Variants in TNN observed in about 807,000 individuals in gnomAD.
TNN encodes the protein tenascin-N.
A neutral mutation model predicts 134.4 loss-of-function variants in TNN; 122 were observed. The ratio of observed to expected loss-of-function variants is 0.91; its 90% CI spans 0.78 to 1.06. TNN has a LOEUF of 1.06. Ranked by LOEUF, TNN falls within the 50% of genes least tolerant of loss-of-function variation. The pLI is 0.00. For missense variants in TNN, 1,739 were observed against 1,699.4 expected, an observed-to-expected ratio of 1.02 and a Z score of -0.41; for synonymous variants, 710 against 670.3, an observed-to-expected ratio of 1.06 and a Z score of -0.91.
rs549625632 is a variant in TNN, at chr1:175,102,159, AT to A, written c.2119+3566del. The stretch of plus-strand genomic sequence containing the variant: ...ACCTTGAGCTAGACACAGGGTGCTG[AT>A]TGGTGTGTTTACAATCCCTGAGCTA... On this transcript the variant is annotated intron_variant, in intron 9 of 18. Transcript: ENST00000239462. Among the ~76,000 whole-genome samples, 116 of 145,442 alleles carry A rather than the reference AT, an allele frequency of 8.0e-4. 5 individuals carry two copies. Among genetic ancestry groups the A allele is most frequent in the African/African-American group, 2.8e-3 (115 of 40,480 alleles).
At chr1:175,108,222 C>G (rs929829587) in intron 9 of TNN, among the ~76,000 whole-genome samples, 3 of 151,582 alleles carry the variant, frequency 2.0e-5, no homozygotes, top group African/African-American at 7.3e-5. Context: ...AATCCCTGAG[C>G]TAGACATAAA....
intron 9 of TNN, among the ~76,000 whole-genome samples, chr1:175,112,232 A>G (rs1215698519): frequency 6.6e-6 from 1 of 151,668 alleles, no homozygotes; most frequent in Non-Finnish European, 1.5e-5. Context: ...TGCTTTTTGC[A>G]TCTATTGAGA....
At chr1:175,115,997 C>A (rs1675156287) in intron 9 of TNN, among the ~76,000 whole-genome samples, 2 of 152,130 alleles carry the variant, frequency 1.3e-5, no homozygotes, top group African/African-American at 2.4e-5. Context: ...TCTGTGCTCA[C>A]CAGAGTTTCT....
At chr1:175,083,975 T>TGCAG in intron 5 of TNN, 40 bp downstream of exon 5, 1 of 1,599,714 alleles carries the variant, frequency 6.3e-7, no homozygotes, top group Non-Finnish European at 8.5e-7. Flanking sequence ...ATGCTGTGGA[T>TGCAG]GCAGAGGTGG....
Position 175,080,401 on chromosome 1 carries a change from C to A in TNN, c.1023C>A (p.Ser341Arg), listed in dbSNP as rs958674146. The change falls in exon 4 of 19, where the codon AGC (serine) becomes AGA (arginine). Residue 341 changes from serine to arginine, a missense_variant. By Grantham distance (110) the Ser-to-Arg change is moderately radical. Transcript: ENST00000239462. ...ACGTCAAGAATGAAGTTTCTAGCAGCCCACAGCATCTACTTGCCACCACAG... is the reference window on the plus strand; with the variant it reads ...ACGTCAAGAATGAAGTTTCTAGCAGACCACAGCATCTACTTGCCACCACAG... ...LRNVKNEVSS[S>R]PQHLLATTDL... 2.5e-6 allele frequency: 4 copies of A among 1,613,992 alleles called. No individual in the cohort carries two copies. Among genetic ancestry groups the A allele is most frequent in the African/African-American group, 2.7e-5 (2 of 74,916 alleles).
intron 10 of TNN, 94 bp from the exon 11 acceptor site, chr1:175,118,467 A>T: frequency 6.9e-7 from 1 of 1,456,086 alleles, no homozygotes; most frequent in Non-Finnish European, 9.4e-7. Context: ...ACCCCACACA[A>T]CATGAAAGGG....
intron 10 of TNN, 136 bp downstream of exon 10, chr1:175,117,341 T>C (rs1675212074): frequency 1.4e-5 from 20 of 1,414,244 alleles, no homozygotes; most frequent in Non-Finnish European, 1.9e-5. Context: ...TCATAACAGA[T>C]TGCACACACC....
chr1:175,095,093 T>C (rs1674539620), intron 7 of TNN, among the ~76,000 whole-genome samples: 1 of 152,226 alleles, frequency 6.6e-6, no homozygotes, highest in Non-Finnish European at 1.5e-5. Flanking sequence ...CTGTTTCTTA[T>C]GGCACAAGTG....
intron 1 of TNN, among the ~76,000 whole-genome samples, chr1:175,070,062 G>T (rs1396598144): frequency 2.0e-5 from 3 of 152,160 alleles, no homozygotes; most frequent in African/African-American, 7.2e-5. Context: ...GGAGAGGAAG[G>T]TTCCTGAATT....
intron 7 of TNN, 22 bp from the exon 8 acceptor site, chr1:175,097,395 T>G: frequency 1.2e-6 from 2 of 1,613,704 alleles, no homozygotes; most frequent in Non-Finnish European, 1.7e-6. Context: ...GGCTACATTC[T>G]TCTTTCATCT....
At position 175,117,775 on chromosome 1, in the gene TNN, C is replaced by T. The variant is rs566964109; in HGVS notation, c.2386+570C>T. Among the ~76,000 whole-genome samples, 395 of 152,144 alleles carry T rather than the reference C, an allele frequency of 2.6e-3. 2 individuals carry two copies. The highest frequency in any genetic ancestry group is 4.5e-3 in the Non-Finnish European group (305 of 68,004). ...GGAAATAGTAATAGGATACACATGG[C>T]CAAAACAACCAAATAACAGTTGCTT... On this transcript the variant is annotated intron_variant, in intron 10 of 18. Coordinates refer to ENST00000239462, the MANE Select transcript of TNN (RefSeq NM_022093.2).
intron 9 of TNN, among the ~76,000 whole-genome samples, chr1:175,116,231 T>C (rs1675163049): frequency 6.6e-6 from 1 of 152,178 alleles, no homozygotes. Flanking sequence ...TTTTTTCTTG[T>C]GGAGAAAATT....
At position 175,079,445 on chromosome 1, in the gene TNN, G is replaced by T. The variant is rs374925420; in HGVS notation, c.522G>T (p.Ala174=). The T allele has an allele frequency of 6.3e-7, 1 of 1,577,548 alleles. No individual in the cohort carries two copies. Among genetic ancestry groups the T allele is most frequent in the South Asian group, 1.1e-5 (1 of 87,924 alleles). ...GCGAGCGGCTGGCCTGCCCCGGGGC[G>T]TGCAGCGGCCACGGGCGTTGCGTGG... ...PACERLACPG[A]CSGHGRCVDG... The change falls in exon 3 of 19, where the codon GCG becomes GCT. Residue 174 remains alanine (A), a synonymous_variant. Coordinates refer to ENST00000239462, the MANE Select transcript of TNN (RefSeq NM_022093.2).
chr1:175,101,761 A>G (rs1473261925), intron 9 of TNN, among the ~76,000 whole-genome samples: 13 of 143,348 alleles, frequency 9.1e-5, no homozygotes, highest in East Asian at 6.8e-4. Flanking sequence ...CAGGGTGCTG[A>G]TTGGGGTATT....
At chr1:175,093,554 G>A (rs530170315) in intron 6 of TNN, among the ~76,000 whole-genome samples, 57 of 151,222 alleles carry the variant, frequency 3.8e-4, no homozygotes, top group African/African-American at 1.3e-3. Context: ...AAAGTGCCAG[G>A]CCTGGAAACT....
At chr1:175,103,271 T>C (rs576554011) in intron 9 of TNN, among the ~76,000 whole-genome samples, 1 of 146,400 alleles carries the variant, frequency 6.8e-6, no homozygotes, top group African/African-American at 2.5e-5. Context: ...AGCCTTTTCC[T>C]GTAAACTCCG....
intron 9 of TNN, among the ~76,000 whole-genome samples, chr1:175,114,087 A>T (rs1558363640): frequency 6.6e-6 from 1 of 152,046 alleles, no homozygotes; most frequent in Non-Finnish European, 1.5e-5. Flanking sequence ...CTAGAGAGTT[A>T]TTATGTTCCT....
rs895362720 is a variant in TNN at position 175,102,336 on chromosome 1, T to C, written c.2119+3741T>C. 2.7e-5 allele frequency among the ~76,000 whole-genome samples: 4 copies of C among 145,776 alleles called. 1 individual carries two copies. Among genetic ancestry groups the C allele is most frequent in the African/African-American group, 4.9e-5 (2 of 40,476 alleles). ...CCCTTGGGTAGTCGACGGGACTGGG[T>C]GCCATGGAGCAGGGGATGGTATTCG... On this transcript the variant is annotated intron_variant, in intron 9 of 18. Coordinates refer to ENST00000239462, the MANE Select transcript of TNN (RefSeq NM_022093.2).
At chr1:175,068,159 C>A (rs1473523289) in intron 1 of TNN, among the ~76,000 whole-genome samples, 2 of 152,202 alleles carry the variant, frequency 1.3e-5, no homozygotes, top group African/African-American at 4.8e-5. Context: ...TCAGACAGGG[C>A]TAAGCATAGT....
Sources: gnomAD v4.1 joint callset for allele counts (sites outside exome capture counted in the v4.1 genomes callset) on GRCh38, gnomAD v4.1.1 for gene constraint, MANE v1.5 for transcripts, NCBI Gene and HGNC (gene_info 2026-07-23, HGNC 2026-07-21) for gene names.